CNTNAP2: variants seen among roughly 807,000 people sequenced by gnomAD.
The protein encoded by CNTNAP2 is contactin associated protein 2.
CNTNAP2 carries 98 observed loss-of-function variants against 155.2 expected under a neutral mutation model. That is an observed-to-expected ratio of 0.63 (90% confidence interval 0.54 to 0.75). CNTNAP2 has a LOEUF of 0.75. CNTNAP2 is among the 30% of genes least tolerant of loss of function. CNTNAP2 has a pLI of 0.00. For missense variants in CNTNAP2, 1,727 were observed against 1,688.1 expected (o/e 1.02, Z -0.40); for synonymous variants, 651 against 631.2 (o/e 1.03, Z -0.47).
chr7:147,990,118 G>C (rs1801685541), intron 15 of CNTNAP2, among the ~76,000 whole-genome samples: 1 of 152,150 alleles, frequency 6.6e-6, no homozygotes, highest in African/African-American at 2.4e-5. Context: ...ACAGAACTCA[G>C]GTAAGTGCTA....
intron 19 of CNTNAP2, among the ~76,000 whole-genome samples, chr7:148,219,567 C>A (rs1008458064): frequency 6.6e-6 from 1 of 152,202 alleles, no homozygotes; most frequent in African/African-American, 2.4e-5. Context: ...CATGAAGGTG[C>A]ACACTTGTGG....
chr7:147,922,105 A>G (rs1285569756), intron 14 of CNTNAP2, among the ~76,000 whole-genome samples: 1 of 152,260 alleles, frequency 6.6e-6, no homozygotes, highest in African/African-American at 2.4e-5. Flanking sequence ...CATTACAATA[A>G]TCACATTTAA....
intron 9 of CNTNAP2, among the ~76,000 whole-genome samples, chr7:147,321,620 A>C (rs1046022416): frequency 3.3e-5 from 5 of 152,138 alleles, no homozygotes; most frequent in Non-Finnish European, 7.3e-5. Flanking sequence ...AAACACAGCA[A>C]GAAGGAGCCA....
At chr7:147,961,230 C>T (rs1054726043) in intron 14 of CNTNAP2, among the ~76,000 whole-genome samples, 1 of 152,054 alleles carries the variant, frequency 6.6e-6, no homozygotes, top group Non-Finnish European at 1.5e-5. Flanking sequence ...AGGATATACT[C>T]AAATGAAAAA....
intron 3 of CNTNAP2, among the ~76,000 whole-genome samples, chr7:147,016,926 A>G (rs1798734552): frequency 6.6e-6 from 1 of 151,850 alleles, no homozygotes; most frequent in South Asian, 2.1e-4. Context: ...GCCAATGGAC[A>G]CTCTGAGCAC....
chr7:147,767,556 T>C (rs1360429539), intron 13 of CNTNAP2, among the ~76,000 whole-genome samples: 5 of 152,138 alleles, frequency 3.3e-5, no homozygotes, highest in Non-Finnish European at 7.4e-5. Context: ...CTGCTTATTA[T>C]TACTGCCACT....
chr7:147,484,815 G>A (rs1335564723), intron 10 of CNTNAP2, among the ~76,000 whole-genome samples: 1 of 152,176 alleles, frequency 6.6e-6, no homozygotes, highest in Non-Finnish European at 1.5e-5. Flanking sequence ...CTCTTTATCT[G>A]TCCTTTGCCA....
chr7:146,519,371 G>T (rs971152083), intron 1 of CNTNAP2, among the ~76,000 whole-genome samples: 2 of 151,834 alleles, frequency 1.3e-5, no homozygotes, highest in Non-Finnish European at 2.9e-5. Context: ...GGTTGGGGAA[G>T]TCTTCAAGAG....
At chr7:146,574,539 A>G (rs1430678421) in intron 1 of CNTNAP2, among the ~76,000 whole-genome samples, 3 of 152,098 alleles carry the variant, frequency 2.0e-5, no homozygotes, top group Non-Finnish European at 4.4e-5. Flanking sequence ...CGTCTCTACT[A>G]AAAATGCAAC....
At chr7:146,759,081 A>G (rs116550193) in intron 1 of CNTNAP2, among the ~76,000 whole-genome samples, 2,085 of 150,984 alleles carry the variant, frequency 0.014, 45 homozygotes, top group African/African-American at 0.048. Context: ...TTGGATTGGT[A>G]TAGTTTTTTT....
At chr7:148,381,070 G>A (rs1343768798) in intron 21 of CNTNAP2, among the ~76,000 whole-genome samples, 1 of 152,264 alleles carries the variant, frequency 6.6e-6, no homozygotes, top group Non-Finnish European at 1.5e-5. Flanking sequence ...GTGAGTGGGT[G>A]CAGGAGCCAG....
chr7:148,259,174 C>G, intron 20 of CNTNAP2, among the ~76,000 whole-genome samples: 1 of 84,364 alleles, frequency 1.2e-5, no homozygotes, highest in Admixed American at 1.5e-4. Flanking sequence ...AGCAAAACTC[C>G]GTCTTAAAAA....
At chr7:148,165,683 G>A (rs1377437961) in intron 17 of CNTNAP2, among the ~76,000 whole-genome samples, 1 of 152,164 alleles carries the variant, frequency 6.6e-6, no homozygotes, top group Non-Finnish European at 1.5e-5. Flanking sequence ...CACATGCCAT[G>A]AGCGGCGAAG....
chr7:147,917,471 G>A (rs1355551548), intron 14 of CNTNAP2, among the ~76,000 whole-genome samples: 3 of 152,144 alleles, frequency 2.0e-5, no homozygotes, highest in Non-Finnish European at 2.9e-5. Context: ...GATCCAACAT[G>A]GCTTCTAGAG....
intron 13 of CNTNAP2, among the ~76,000 whole-genome samples, chr7:147,711,696 C>G (rs2117016604): frequency 6.6e-6 from 1 of 152,242 alleles, no homozygotes; most frequent in East Asian, 1.9e-4. Context: ...GCTGTGCTTC[C>G]CTCTTGCTAA....
At chr7:147,763,370 G>T (rs1364918063) in intron 13 of CNTNAP2, among the ~76,000 whole-genome samples, 1 of 151,774 alleles carries the variant, frequency 6.6e-6, no homozygotes, top group Admixed American at 6.6e-5. Context: ...GGTGAAAGCT[G>T]TGGTGTTGGG....
chr7:147,986,710 C>T (rs1040762555), intron 15 of CNTNAP2, among the ~76,000 whole-genome samples: 1 of 152,096 alleles, frequency 6.6e-6, no homozygotes, highest in African/African-American at 2.4e-5. Context: ...GAACAATGAC[C>T]TTGGGTCTCT....
At chr7:148,033,346 T>C (rs1043648173) in intron 15 of CNTNAP2, among the ~76,000 whole-genome samples, 3 of 134,792 alleles carry the variant, frequency 2.2e-5, no homozygotes, top group African/African-American at 6.0e-5. Flanking sequence ...GATCCTTTTT[T>C]TTCCTTTATT....
chr7:147,881,147 G>GAGA (rs1799513962), intron 13 of CNTNAP2, among the ~76,000 whole-genome samples: 1 of 152,128 alleles, frequency 6.6e-6, no homozygotes, highest in Non-Finnish European at 1.5e-5. Flanking sequence ...GAGATCAGTT[G>GAGA]TTGAAGAATG....
Sources: gnomAD v4.1 joint callset for allele counts (sites outside exome capture counted in the v4.1 genomes callset) on GRCh38, gnomAD v4.1.1 for gene constraint, MANE v1.5 for transcripts, NCBI Gene and HGNC (gene_info 2026-07-23, HGNC 2026-07-21) for gene names.